Variants in CDH23 observed in about 807,000 individuals in gnomAD.
The protein encoded by CDH23 is cadherin-23.
Under a neutral mutation model 317.1 loss-of-function variants are expected in CDH23, and 189 were observed. The observed-to-expected ratio is 0.60, with a 90% CI of 0.53 to 0.67. The LOEUF (loss-of-function observed/expected upper bound fraction) is 0.67, where lower values mean the gene tolerates loss of function less well. CDH23 is among the 30% of genes least tolerant of loss of function. The pLI is 0.00. For missense variants in CDH23, 4,401 were observed against 4,592.4 expected (o/e 0.96, Z 1.20); for synonymous variants, 1,839 against 1,876.8 (o/e 0.98, Z 0.52).
At chr10:71,511,276 T>C (rs1161095910) in intron 6 of CDH23, 64 bp downstream of exon 6, 3 of 1,413,436 alleles carry the variant, frequency 2.1e-6, no homozygotes, top group African/African-American at 2.8e-5. Context: ...ACCACCATGG[T>C]GTAGGTGAAG....
In CDH23 at chr10:71,545,376, C is replaced by T. The variant is rs116014884; in HGVS notation, c.430-21366C>T. On this transcript the variant is annotated intron_variant, in intron 6 of 69. Transcript: ENST00000224721. ...TTCATTAAAAGTGAGACAGTTTGCA[C>T]CTTCCACTTTCTCGGGCTGTCTTCA... is the stretch of plus-strand genomic sequence containing the variant. Among the ~76,000 whole-genome samples the T allele has an allele frequency of 2.0e-3, 312 of 152,242 alleles. 1 individual carries two copies. Among genetic ancestry groups the T allele is most frequent in the African/African-American group, 7.1e-3 (293 of 41,552 alleles).
intron 14 of CDH23, among the ~76,000 whole-genome samples, chr10:71,665,354 C>G (rs1405235171): frequency 6.6e-6 from 1 of 152,240 alleles, no homozygotes; most frequent in Non-Finnish European, 1.5e-5. Flanking sequence ...CCCTGTGTGA[C>G]TGCCTTAACT....
chr10:71,551,459 G>A (rs1281663414), intron 6 of CDH23, among the ~76,000 whole-genome samples: 1 of 152,174 alleles, frequency 6.6e-6, no homozygotes, highest in Non-Finnish European at 1.5e-5. Context: ...CATTCCAGAA[G>A]GGGCTTGGAA....
intron 3 of CDH23, among the ~76,000 whole-genome samples, chr10:71,453,955 TAG>T (rs1395013615): frequency 1.3e-5 from 2 of 152,172 alleles, no homozygotes; most frequent in African/African-American, 4.8e-5. Flanking sequence ...TAGGGGGTGT[TAG>T]ACAATAATAA....
At chr10:71,414,368 AAT>A (rs1848454908) in intron 1 of CDH23, among the ~76,000 whole-genome samples, 1 of 152,074 alleles carries the variant, frequency 6.6e-6, no homozygotes, top group Non-Finnish European at 1.5e-5. Context: ...TTTTTTCATA[AAT>A]GTGCATAGAA....
chr10:71,752,992 C>G (rs956308506), intron 38 of CDH23: 1 of 1,613,066 alleles, frequency 6.2e-7, no homozygotes, highest in Non-Finnish European at 8.5e-7. Flanking sequence ...TCCGCACCAG[C>G]TCCTGGGCAC....
At chr10:71,505,077 C>T (rs1407832077) in intron 3 of CDH23, among the ~76,000 whole-genome samples, 2 of 152,138 alleles carry the variant, frequency 1.3e-5, no homozygotes, top group South Asian at 2.1e-4. Flanking sequence ...TTGGGCTCCC[C>T]CAGAAATAGA....
intron 38 of CDH23, among the ~76,000 whole-genome samples, chr10:71,763,599 G>A (rs1180909729): frequency 6.6e-6 from 1 of 152,224 alleles, no homozygotes; most frequent in Non-Finnish European, 1.5e-5. Context: ...GCCTGTACTG[G>A]ACCAGTAGCT....
Position 71,707,237 on chromosome 10 carries a change from G to A in CDH23, c.3106+188G>A, listed in dbSNP as rs375036399. On this transcript the variant is annotated intron_variant, in intron 26 of 69. Coordinates refer to ENST00000224721, the MANE Select transcript of CDH23 (RefSeq NM_022124.6). ...CCTGGCTCTTCCCAAGGGCTTTGCA[G>A]CTGGATCACTCTGGACTGGCTCCCT... is the stretch of plus-strand genomic sequence containing the variant. 38 of 1,475,164 alleles carry A rather than the reference G, an allele frequency of 2.6e-5. No homozygotes were observed. The African/African-American group carries it at 2.8e-4, about 11-fold the overall frequency. 91.4% of individuals were successfully genotyped at this position (1,475,164 alleles called of 1,614,324 possible). A position where few individuals can be genotyped will look rare whatever the true frequency, so the allele number is the denominator to read the frequency against.
At chr10:71,558,696 G>T (rs1333552331) in intron 6 of CDH23, among the ~76,000 whole-genome samples, 1 of 152,214 alleles carries the variant, frequency 6.6e-6, no homozygotes, top group African/African-American at 2.4e-5. Context: ...TGTGGAGCAG[G>T]GCATGGTTGG....
At chr10:71,756,113 C>G (rs1165737477) in intron 38 of CDH23, among the ~76,000 whole-genome samples, 1 of 152,234 alleles carries the variant, frequency 6.6e-6, no homozygotes, top group Admixed American at 6.5e-5. Context: ...AAACGTGAAT[C>G]CTTGTACAAT....
At chr10:71,427,455 C>G (rs73281870) in intron 1 of CDH23, among the ~76,000 whole-genome samples, 1,706 of 152,276 alleles carry the variant, frequency 0.011, 31 homozygotes, top group African/African-American at 0.038. Context: ...AGGGTTCATC[C>G]TTGTTGAGGC....
At chr10:71,709,273 C>G in intron 27 of CDH23, 62 bp downstream of exon 27, 1 of 1,469,780 alleles carries the variant, frequency 6.8e-7, no homozygotes, top group Non-Finnish European at 9.5e-7. Context: ...CAGGGTGCCT[C>G]CCAGGAGCTG....
chr10:71,557,778 C>A (rs944207224), intron 6 of CDH23, among the ~76,000 whole-genome samples: 1 of 152,056 alleles, frequency 6.6e-6, no homozygotes, highest in African/African-American at 2.4e-5. Flanking sequence ...ACTCTTGATC[C>A]TTTGTATATG....
intron 3 of CDH23, among the ~76,000 whole-genome samples, chr10:71,501,343 C>T (rs1388422476): frequency 3.3e-5 from 5 of 152,202 alleles, no homozygotes; most frequent in Admixed American, 6.5e-5. Context: ...TTCATGCCGT[C>T]CCCTCCAAGT....
chr10:71,610,191 A>G (rs1308574163), intron 9 of CDH23, among the ~76,000 whole-genome samples: 1 of 152,112 alleles, frequency 6.6e-6, no homozygotes, highest in Non-Finnish European at 1.5e-5. Context: ...TTTAATAGAG[A>G]TAAGGTTCAC....
intron 16 of CDH23, 67 bp from the exon 17 acceptor site, chr10:71,679,318 GCT>G: frequency 1.5e-6 from 1 of 683,520 alleles, no homozygotes; most frequent in Non-Finnish European, 2.6e-6. Flanking sequence ...CACCCTCCCA[GCT>G]GCCCACCCTC....
intron 57 of CDH23, among the ~76,000 whole-genome samples, chr10:71,807,024 T>C (rs1013836063): frequency 1.3e-5 from 2 of 152,228 alleles, no homozygotes; most frequent in Non-Finnish European, 2.9e-5. Flanking sequence ...TGCATGTGCA[T>C]ATAAGAGTAA....
chr10:71,811,468 G>A (rs755700145), intron 63 of CDH23, 33 bp downstream of exon 63: 65 of 1,613,786 alleles, frequency 4.0e-5, no homozygotes, highest in South Asian at 1.5e-4. Flanking sequence ...AGCCCTAGCC[G>A]CCCTCCCCAC....
Sources: gnomAD v4.1 joint callset for allele counts (sites outside exome capture counted in the v4.1 genomes callset) on GRCh38, gnomAD v4.1.1 for gene constraint, MANE v1.5 for transcripts, NCBI Gene and HGNC (gene_info 2026-07-23, HGNC 2026-07-21) for gene names.